Variants in DPP10 observed in about 807,000 individuals in gnomAD.
The protein encoded by DPP10 is inactive dipeptidyl peptidase 10.
Under a neutral mutation model 120.9 loss-of-function variants are expected in DPP10, and 33 were observed. The observed-to-expected ratio is 0.27, with a 90% CI of 0.21 to 0.37. DPP10 has a LOEUF of 0.37. Among genes scored for constraint, DPP10 ranks in the 10% least tolerant of loss-of-function variants. The pLI is 1.00. For synonymous variants in DPP10, 337 were observed against 326.1 expected, an observed-to-expected ratio of 1.03 and a Z score of -0.36; for missense variants, 816 against 942.8, an observed-to-expected ratio of 0.87 and a Z score of 1.76.
At position 114,923,037 on chromosome 2, in the gene DPP10, G is replaced by T. The variant is rs10193953; in HGVS notation, c.61-386202G>T. On this transcript the variant is annotated intron_variant, in intron 1 of 25. Transcript: ENST00000410059. ...TAATGACCATTTATAACACCTTTTT[G>T]GGGGAATTGTTAATTCAAATCCTTT... 9.8e-3 allele frequency among the ~76,000 whole-genome samples: 1,489 copies of T among 152,032 alleles called. 18 individuals are homozygous for T. The highest frequency in any genetic ancestry group is 0.035 in the African/African-American group (1,436 of 41,452).
At chr2:114,507,780 A>G (rs1215490953) in intron 1 of DPP10, among the ~76,000 whole-genome samples, 1 of 152,196 alleles carries the variant, frequency 6.6e-6, no homozygotes, top group Non-Finnish European at 1.5e-5. Flanking sequence ...TGATATCTAA[A>G]GTGGGAATAA....
intron 19 of DPP10, among the ~76,000 whole-genome samples, chr2:115,804,704 C>T (rs1685703197): frequency 6.6e-6 from 1 of 152,178 alleles, no homozygotes; most frequent in Admixed American, 6.5e-5. Flanking sequence ...CACTCCAGAC[C>T]CTGTTTGCCT....
chr2:114,825,764 A>G (rs933720454), intron 1 of DPP10, among the ~76,000 whole-genome samples: 2 of 152,184 alleles, frequency 1.3e-5, no homozygotes, highest in Non-Finnish European at 2.9e-5. Flanking sequence ...CAACTCAGTG[A>G]CCTTGAAGTA....
chr2:115,800,980 T>TG (rs1330994247), intron 19 of DPP10, among the ~76,000 whole-genome samples: 10 of 152,196 alleles, frequency 6.6e-5, no homozygotes, highest in African/African-American at 2.4e-4. Context: ...AGAAAGTCAT[T>TG]GGTAGCTTGA....
intron 1 of DPP10, among the ~76,000 whole-genome samples, chr2:114,702,178 G>C (rs1700422187): frequency 6.6e-6 from 1 of 152,066 alleles, no homozygotes; most frequent in South Asian, 2.1e-4. Flanking sequence ...CTCAGAATTT[G>C]ACCTAATTTG....
chr2:115,054,902 ACT>A (rs914886164), intron 1 of DPP10, among the ~76,000 whole-genome samples: 1 of 152,028 alleles, frequency 6.6e-6, no homozygotes, highest in Non-Finnish European at 1.5e-5. Context: ...ACAGAGCAAG[ACT>A]CTGTCTCAAA....
intron 1 of DPP10, among the ~76,000 whole-genome samples, chr2:114,453,840 G>A (rs1207348182): frequency 2.0e-5 from 3 of 152,072 alleles, no homozygotes; most frequent in Non-Finnish European, 4.4e-5. Flanking sequence ...CTGATATTTT[G>A]TCTATCCATA....
intron 1 of DPP10, among the ~76,000 whole-genome samples, chr2:114,453,623 G>C (rs1678407166): frequency 6.6e-6 from 1 of 152,110 alleles, no homozygotes; most frequent in Non-Finnish European, 1.5e-5. Context: ...GTTAACAGGA[G>C]TAACATGAGG....
chr2:115,406,436 T>G (rs898339973), intron 3 of DPP10, among the ~76,000 whole-genome samples: 11 of 152,172 alleles, frequency 7.2e-5, no homozygotes, highest in Admixed American at 1.3e-4. Flanking sequence ...GAAATACTAT[T>G]TATAATAGAA....
intron 3 of DPP10, among the ~76,000 whole-genome samples, chr2:115,467,770 G>A (rs2074422809): frequency 1.3e-5 from 2 of 152,074 alleles, no homozygotes; most frequent in South Asian, 4.2e-4. Flanking sequence ...GACTACAATG[G>A]AATATTTATT....
intron 1 of DPP10, among the ~76,000 whole-genome samples, chr2:114,672,924 G>A (rs909517532): frequency 3.3e-5 from 5 of 152,072 alleles, no homozygotes; most frequent in Admixed American, 3.3e-4. Context: ...TGCTAACAGT[G>A]ATGTCAAGGA....
At chr2:115,249,560 T>C (rs955006991) in intron 1 of DPP10, among the ~76,000 whole-genome samples, 2 of 152,190 alleles carry the variant, frequency 1.3e-5, no homozygotes, top group African/African-American at 2.4e-5. Flanking sequence ...GTGTGGGTTT[T>C]ATCTGAAATA....
At chr2:115,292,571 G>A (rs955478021) in intron 1 of DPP10, among the ~76,000 whole-genome samples, 23 of 152,184 alleles carry the variant, frequency 1.5e-4, no homozygotes, top group Non-Finnish European at 2.4e-4. Context: ...GATTATCTGT[G>A]AACAGACTTG....
chr2:114,916,023 T>C (rs1694774206), intron 1 of DPP10, among the ~76,000 whole-genome samples: 2 of 150,144 alleles, frequency 1.3e-5, no homozygotes, highest in African/African-American at 4.9e-5. Context: ...CATGAATCCA[T>C]AAAAAAGATA....
At chr2:114,991,223 C>T (rs1185832087) in intron 1 of DPP10, among the ~76,000 whole-genome samples, 1 of 152,110 alleles carries the variant, frequency 6.6e-6, no homozygotes. Flanking sequence ...AGTTACAGCC[C>T]TAGCCAACTG....
intron 4 of DPP10, among the ~76,000 whole-genome samples, chr2:115,501,137 C>T (rs1172563773): frequency 6.6e-6 from 1 of 151,942 alleles, no homozygotes; most frequent in Non-Finnish European, 1.5e-5. Context: ...ATTCTAGGCC[C>T]TCAGTAGCCA....
At chr2:115,488,722 G>T (rs1462960846) in intron 3 of DPP10, among the ~76,000 whole-genome samples, 1 of 124,162 alleles carries the variant, frequency 8.1e-6, no homozygotes, top group Non-Finnish European at 1.7e-5. Context: ...ACACTCCTGG[G>T]ACTGTGGTGG....
At chr2:115,100,130 T>C (rs78399750) in intron 1 of DPP10, among the ~76,000 whole-genome samples, 8,522 of 152,188 alleles carry the variant, frequency 0.056, 304 homozygotes, top group East Asian at 0.15. Context: ...GAAAAGATGA[T>C]GTCATATGGG....
Position 115,723,904 on chromosome 2 carries a change from C to T in DPP10, c.577-3912C>T, listed in dbSNP as rs980146428. ...TGTAACTTTACAGATCTTTCCAAAC[C>T]ATTATAATGCATGGAGATTTTTGAA... On this transcript the variant is annotated intron_variant, in intron 7 of 25. Coordinates refer to ENST00000410059, the MANE Select transcript of DPP10 (RefSeq NM_020868.6). Among the ~76,000 whole-genome samples, 3 of 152,038 alleles carry T rather than the reference C, an allele frequency of 2.0e-5. No individual in the cohort carries two copies. The East Asian group carries it at 5.8e-4, about 29-fold the overall frequency.
Sources: gnomAD v4.1 joint callset for allele counts (sites outside exome capture counted in the v4.1 genomes callset) on GRCh38, gnomAD v4.1.1 for gene constraint, MANE v1.5 for transcripts, NCBI Gene and HGNC (gene_info 2026-07-23, HGNC 2026-07-21) for gene names.